The following HSD17B4 variants were observed in gnomAD, a reference collection of about 807,000 sequenced individuals.
HSD17B4 encodes peroxisomal multifunctional enzyme type 2.
HSD17B4 carries 70 observed loss-of-function variants against 101.0 expected under a neutral mutation model. The observed-to-expected ratio is 0.69, with a 90% CI of 0.57 to 0.85. HSD17B4 has a LOEUF of 0.85. HSD17B4 is among the 40% of genes least tolerant of loss of function. HSD17B4 has a pLI of 0.00. For synonymous variants in HSD17B4, 347 were observed against 297.1 expected, an observed-to-expected ratio of 1.17 and a Z score of -1.73; for missense variants, 984 against 892.4, an observed-to-expected ratio of 1.10 and a Z score of -1.31.
intron 23 of HSD17B4, among the ~76,000 whole-genome samples, chr5:119,540,870 T>A (rs910134915): frequency 2.0e-5 from 3 of 152,190 alleles, no homozygotes; most frequent in Non-Finnish European, 2.9e-5. Flanking sequence ...TAATAAGCTC[T>A]CTGAAATTCA....
intron 21 of HSD17B4, among the ~76,000 whole-genome samples, chr5:119,530,740 C>T (rs909503152): frequency 6.7e-6 from 1 of 148,602 alleles, no homozygotes; most frequent in African/African-American, 2.5e-5. Context: ...GTAATCCCAG[C>T]TACTCAAGAA....
intron 18 of HSD17B4, 64 bp downstream of exon 18, chr5:119,525,349 T>G (rs1410771842): frequency 4.1e-6 from 4 of 969,932 alleles, no homozygotes; most frequent in Non-Finnish European, 5.0e-6. Flanking sequence ...TTAAATAATG[T>G]AAAGACACTA....
intron 1 of HSD17B4, among the ~76,000 whole-genome samples, chr5:119,454,703 C>G (rs1754421332): frequency 6.6e-6 from 1 of 152,054 alleles, no homozygotes; most frequent in African/African-American, 2.4e-5. Context: ...CTGACTGCAA[C>G]CTCTGCCTTC....
intron 8 of HSD17B4, among the ~76,000 whole-genome samples, chr5:119,480,665 G>C (rs900887106): frequency 6.6e-6 from 1 of 152,102 alleles, no homozygotes; most frequent in Admixed American, 6.5e-5. Context: ...CAGGAGACAG[G>C]GTTTTGAGAT....
intron 16 of HSD17B4, among the ~76,000 whole-genome samples, chr5:119,511,686 A>G (rs1752182984): frequency 6.6e-6 from 1 of 152,184 alleles, no homozygotes; most frequent in South Asian, 2.1e-4. Flanking sequence ...CTGAGGAGCA[A>G]TATCAGAGGC....
In HSD17B4 at chr5:119,474,457, A is replaced by C; in HGVS notation, c.277A>C (p.Ile93Leu). The C allele has an allele frequency of 6.3e-7, 1 of 1,592,132 alleles. No homozygotes were observed. Among genetic ancestry groups the C allele is most frequent in the South Asian group, 1.1e-5 (1 of 90,650 alleles). ...VKTALDAFGRIDVVVNNAGIL... is the reference protein window; with the variant it reads ...VKTALDAFGRLDVVVNNAGIL... ...GACAGCCCTGGATGCTTTTGGAAGA[A>C]TAGGTGATGTTTCTTTGTGTTATGG... Residue 93 changes from isoleucine to leucine, a missense_variant, in exon 4 of 24, where the codon ATA (isoleucine) becomes CTA (leucine). Physicochemically the swap from Ile to Leu is conservative, Grantham distance 5. Transcript: ENST00000510025.
Position 119,493,420 on chromosome 5 carries a change from C to T in HSD17B4, c.740-398C>T, listed in dbSNP as rs548660256. 1.1e-4 allele frequency: 20 copies of T among 188,752 alleles called. No homozygotes were observed. In the East Asian group the frequency reaches 2.8e-3, roughly 26 times the overall value. 11.7% of individuals were successfully genotyped at this position (188,752 alleles called of 1,614,324 possible). On this transcript the variant is annotated intron_variant, in intron 10 of 23. Transcript: ENST00000510025. ...TTATTTACTATTAGTCTTCAGTTTG[C>T]TAACTCAGCGAAGCTCTATTCAGTT...
intron 2 of HSD17B4, among the ~76,000 whole-genome samples, chr5:119,464,958 T>G (rs1232979272): frequency 1.3e-5 from 2 of 152,158 alleles, no homozygotes; most frequent in Non-Finnish European, 2.9e-5. Context: ...AGCTTTGTTC[T>G]TTTTGCTCAG....
intron 2 of HSD17B4, among the ~76,000 whole-genome samples, chr5:119,460,178 G>T (rs1755079418): frequency 6.6e-6 from 1 of 152,024 alleles, no homozygotes; most frequent in Non-Finnish European, 1.5e-5. Context: ...CCCGGCCAAG[G>T]CCCCACATCT....
At chr5:119,510,794 G>C (rs1248179577) in intron 16 of HSD17B4, among the ~76,000 whole-genome samples, 1 of 152,180 alleles carries the variant, frequency 6.6e-6, no homozygotes, top group Non-Finnish European at 1.5e-5. Flanking sequence ...CCAGGCGTTT[G>C]CAGCCAAGAA....
At chr5:119,493,781 T>C (rs1178972276) in intron 10 of HSD17B4, 37 bp from the exon 11 acceptor site, 4 of 1,600,858 alleles carry the variant, frequency 2.5e-6, no homozygotes, top group Non-Finnish European at 3.4e-6. Flanking sequence ...GTCTCTCAAC[T>C]ATGTGCTCAG....
chr5:119,506,049 G>A (rs955037278), intron 14 of HSD17B4, among the ~76,000 whole-genome samples: 3 of 152,032 alleles, frequency 2.0e-5, no homozygotes, highest in Non-Finnish European at 4.4e-5. Flanking sequence ...TAAGTTCTGG[G>A]GTACATGTGC....
intron 10 of HSD17B4, 94 bp from the exon 11 acceptor site, chr5:119,493,724 T>A: frequency 8.4e-7 from 1 of 1,193,292 alleles, no homozygotes; most frequent in Non-Finnish European, 1.2e-6. Context: ...TTTTCTGAAT[T>A]TCCTTTCTCT....
intron 16 of HSD17B4, among the ~76,000 whole-genome samples, chr5:119,513,849 C>G (rs1752381949): frequency 6.6e-6 from 1 of 152,112 alleles, no homozygotes; most frequent in African/African-American, 2.4e-5. Context: ...GCGGCACTGT[C>G]CATCTTAAAT....
chr5:119,463,655 C>CTTTTTTTTTTTTTTTT lies in HSD17B4; in HGVS notation c.112+7302_112+7317dup, dbSNP rs57252147. Among the ~76,000 whole-genome samples, 33 of 29,700 alleles carry CTTTTTTTTTTTTTTTT rather than the reference C, an allele frequency of 1.1e-3. 3 individuals are homozygous for CTTTTTTTTTTTTTTTT. The highest frequency in any genetic ancestry group is 2.3e-3 in the Non-Finnish European group (28 of 12,398). 19.5% of individuals were successfully genotyped at this position (29,700 alleles called of 152,430 possible). On this transcript the variant is annotated intron_variant, in intron 2 of 23. Coordinates refer to ENST00000510025, the MANE Select transcript of HSD17B4 (RefSeq NM_000414.4). ...ATATACTTCTTGGCCATTTATATGT[C>CTTTTTTTTTTTTTTTT]TTTTTTTTTTTTTTTTTTTTTTTTT...
At chr5:119,530,513 A>G (rs1753973550) in intron 21 of HSD17B4, among the ~76,000 whole-genome samples, 1 of 151,944 alleles carries the variant, frequency 6.6e-6, no homozygotes, top group Non-Finnish European at 1.5e-5. Flanking sequence ...GTCATAAACC[A>G]TATAACTGAC....
chr5:119,539,814 G>A (rs1448640435), intron 23 of HSD17B4, among the ~76,000 whole-genome samples: 2 of 151,292 alleles, frequency 1.3e-5, no homozygotes, highest in Non-Finnish European at 2.9e-5. Flanking sequence ...TATAGGCCAG[G>A]GACAATGTCT....
intron 2 of HSD17B4, among the ~76,000 whole-genome samples, chr5:119,458,190 T>G (rs1475732556): frequency 6.6e-6 from 1 of 152,134 alleles, no homozygotes. Context: ...AGAGCCAGAT[T>G]TAGTTTAGTA....
chr5:119,517,433 C>T (rs28863779), intron 17 of HSD17B4, among the ~76,000 whole-genome samples: 1 of 152,178 alleles, frequency 6.6e-6, no homozygotes, highest in Non-Finnish European at 1.5e-5. Context: ...CTGAGGAGTG[C>T]CACCCCCTGC....
Sources: allele counts gnomAD v4.1 joint callset (sites outside exome capture counted in the v4.1 genomes callset), GRCh38; gene constraint gnomAD v4.1.1; transcripts MANE v1.5; gene names NCBI Gene and HGNC (gene_info 2026-07-23, HGNC 2026-07-21).